CYB5A: variants seen among roughly 807,000 people sequenced by gnomAD.
The protein encoded by CYB5A is cytochrome b5.
Under a neutral mutation model 16.2 loss-of-function variants are expected in CYB5A, and 10 were observed. The observed-to-expected ratio is 0.62, with a 90% CI of 0.38 to 1.04. The LOEUF (loss-of-function observed/expected upper bound fraction) is 1.04, where lower values mean the gene tolerates loss of function less well. CYB5A is among the 50% of genes least tolerant of loss of function. The pLI is 0.01. For missense variants in CYB5A, 161 were observed against 165.9 expected (o/e 0.97, Z 0.16); for synonymous variants, 62 against 57.0 (o/e 1.09, Z -0.40).
intron 1 of CYB5A, among the ~76,000 whole-genome samples, chr18:74,275,886 C>T (rs937835781): frequency 1.3e-5 from 2 of 152,094 alleles, no homozygotes; most frequent in African/African-American, 2.4e-5. Context: ...CTGGAGGAGC[C>T]GTCGCCACAC....
intron 1 of CYB5A, among the ~76,000 whole-genome samples, chr18:74,283,445 G>C (rs751777048): frequency 6.6e-6 from 1 of 152,092 alleles, no homozygotes; most frequent in African/African-American, 2.4e-5. Context: ...ACTCCACCCC[G>C]ACTCCCTCTA....
chr18:74,261,848 T>C (rs550602207), intron 2 of CYB5A, among the ~76,000 whole-genome samples: 1 of 152,294 alleles, frequency 6.6e-6, no homozygotes, highest in African/African-American at 2.4e-5. Context: ...ATGAGGCTAT[T>C]TGCCTCTCCA....
At chr18:74,283,098 G>C (rs923651122) in intron 1 of CYB5A, among the ~76,000 whole-genome samples, 2 of 152,142 alleles carry the variant, frequency 1.3e-5, no homozygotes, top group Admixed American at 6.5e-5. Flanking sequence ...GGCCACACCA[G>C]GGCATCTGCT....
At chr18:74,259,556 C>T (rs1383779228) in intron 3 of CYB5A, 2 of 152,148 alleles carry the variant, frequency 1.3e-5, no homozygotes, top group Non-Finnish European at 2.9e-5. Flanking sequence ...CAATCTTACA[C>T]CTACAAGTGT....
intron 1 of CYB5A, chr18:74,290,754 G>A (rs1387835570): frequency 6.6e-6 from 1 of 152,202 alleles, no homozygotes; most frequent in Non-Finnish European, 1.5e-5. Flanking sequence ...TCCCCCAAAA[G>A]TAGTAAAACA....
chr18:74,272,878 C>T (rs7227617), intron 1 of CYB5A, among the ~76,000 whole-genome samples: 19,707 of 152,040 alleles, frequency 0.13, 1,459 homozygotes, highest in Admixed American at 0.2. Context: ...GCTGAGATCA[C>T]GCCACTGCAC....
intron 3 of CYB5A, chr18:74,256,642 G>C: frequency 1.7e-6 from 1 of 594,912 alleles, no homozygotes; most frequent in Non-Finnish European, 3.0e-6. Context: ...GCCTCAAACA[G>C]AAGTTGCCAT....
chr18:74,262,210 C>T (rs951819250), intron 2 of CYB5A, among the ~76,000 whole-genome samples: 2 of 152,150 alleles, frequency 1.3e-5, no homozygotes, highest in Non-Finnish European at 2.9e-5. Context: ...TCCTAGCACT[C>T]TGGGAGGCCT....
Position 74,253,648 on chromosome 18 carries a change from A to C in CYB5A, c.341T>G (p.Val114Gly). 1.2e-6 allele frequency: 2 copies of C among 1,613,102 alleles called. No individual in the cohort carries two copies. Among genetic ancestry groups the C allele is most frequent in the Non-Finnish European group, 8.5e-7 (1 of 1,179,268 alleles). Reference sequence around the variant, plus strand: ...GGCCACTGCAGAGATGGCAGGGATCACCCAGTTGGTCCACCAACTAGAAAG... The same window carrying C: ...GGCCACTGCAGAGATGGCAGGGATCCCCCAGTTGGTCCACCAACTAGAAAG... ...DSSSSWWTNW[V>G]IPAISAVAVA... Residue 114 changes from valine (V) to glycine (G), a missense_variant, in exon 5 of 5, where the codon GTG becomes GGG. Val to Gly is a moderately radical substitution (Grantham distance 109). Coordinates refer to ENST00000340533, the MANE Select transcript of CYB5A (RefSeq NM_148923.4).
intron 3 of CYB5A, chr18:74,257,595 T>C (rs373042183): frequency 1.3e-5 from 2 of 152,258 alleles, no homozygotes; most frequent in East Asian, 3.8e-4. Flanking sequence ...GAGGTTCAAC[T>C]TCAGTAAAAA....
At chr18:74,279,693 T>G (rs1018226754) in intron 1 of CYB5A, among the ~76,000 whole-genome samples, 1 of 152,170 alleles carries the variant, frequency 6.6e-6, no homozygotes, top group South Asian at 2.1e-4. Flanking sequence ...AGGCCTCTCT[T>G]TCATGTTTAA....
At chr18:74,281,436 C>T (rs923631378) in intron 1 of CYB5A, among the ~76,000 whole-genome samples, 14 of 151,958 alleles carry the variant, frequency 9.2e-5, no homozygotes, top group African/African-American at 2.9e-4. Flanking sequence ...ATAAGGAGGT[C>T]GGACAGAAGA....
At chr18:74,267,130 T>C (rs141017050) in intron 1 of CYB5A, among the ~76,000 whole-genome samples, 5 of 152,198 alleles carry the variant, frequency 3.3e-5, no homozygotes, top group African/African-American at 1.2e-4. Flanking sequence ...TGTTAGTAAA[T>C]ACATGCAGCA....
intron 2 of CYB5A, among the ~76,000 whole-genome samples, chr18:74,261,980 G>A (rs780679056): frequency 6.6e-6 from 1 of 152,172 alleles, no homozygotes; most frequent in Non-Finnish European, 1.5e-5. Context: ...AGGTGGACAG[G>A]GCAGCTGAGT....
chr18:74,251,223 C>G lies in CYB5A; in HGVS notation c.*2361G>C, dbSNP rs1284776434. On this transcript the variant is annotated 3_prime_UTR_variant, in exon 5 of 5. Coordinates refer to ENST00000340533, the MANE Select transcript of CYB5A (RefSeq NM_148923.4). ...TTACTTTGCCAAGGTTGAGGACATGCCCGTGACAAAGCATCAGGAGGTCCT... is the reference window on the plus strand; with the variant it reads ...TTACTTTGCCAAGGTTGAGGACATGGCCGTGACAAAGCATCAGGAGGTCCT... The G allele has an allele frequency of 1.3e-5, 2 of 151,648 alleles. No individual in the cohort carries two copies. The highest frequency in any genetic ancestry group is 2.9e-5 in the Non-Finnish European group (2 of 68,016). 9.4% of individuals were successfully genotyped at this position (151,648 alleles called of 1,614,324 possible). A position where few individuals can be genotyped will look rare whatever the true frequency, so the allele number is the denominator to read the frequency against.
Position 74,253,465 on chromosome 18 carries a change from A to T in CYB5A, c.*119T>A. On this transcript the variant is annotated 3_prime_UTR_variant, in exon 5 of 5. Coordinates refer to ENST00000340533, the MANE Select transcript of CYB5A (RefSeq NM_148923.4). ...TTCTAATGTCGGAAGAAAAAGAAAGAGATATATTAAAATCATTGTTTTCAA... is the reference window on the plus strand; with the variant it reads ...TTCTAATGTCGGAAGAAAAAGAAAGTGATATATTAAAATCATTGTTTTCAA... 1.5e-6 allele frequency: 1 copy of T among 674,940 alleles called. No homozygotes were observed. Among genetic ancestry groups the T allele is most frequent in the Non-Finnish European group, 2.7e-6 (1 of 369,212 alleles). The allele number at this position is 674,940 out of a possible 1,614,324, so 41.8% of individuals were successfully genotyped here. A position where few individuals can be genotyped will look rare whatever the true frequency, so the allele number is the denominator to read the frequency against.
In CYB5A at chr18:74,253,368, A is replaced by G. The variant is rs920195463; in HGVS notation, c.*216T>C. ...TAAATTACACATTAAGGAAACATCAAAATAAAGTAGATGAATAAAAAGGCA... is the reference window on the plus strand; with the variant it reads ...TAAATTACACATTAAGGAAACATCAGAATAAAGTAGATGAATAAAAAGGCA... On this transcript the variant is annotated 3_prime_UTR_variant, in exon 5 of 5. Transcript: ENST00000340533. The G allele has an allele frequency of 1.7e-5, 8 of 472,112 alleles. No individual in the cohort carries two copies. The highest frequency in any genetic ancestry group is 2.3e-5 in the Non-Finnish European group (6 of 256,942). The allele number at this position is 472,112 out of a possible 1,614,324, so 29.2% of individuals were successfully genotyped here.
At chr18:74,264,469 A>G (rs1790894) in intron 1 of CYB5A, among the ~76,000 whole-genome samples, 143,220 of 152,022 alleles carry the variant, frequency 0.94, 67,922 homozygotes, top group East Asian at 1. Flanking sequence ...TGGCATGCCT[A>G]AGATGACGAT....
chr18:74,281,288 C>T (rs1983092561), intron 1 of CYB5A, among the ~76,000 whole-genome samples: 1 of 152,178 alleles, frequency 6.6e-6, no homozygotes, highest in African/African-American at 2.4e-5. Context: ...GATGTAGCCT[C>T]AGGGATACAA....
Sources: allele counts gnomAD v4.1 joint callset (sites outside exome capture counted in the v4.1 genomes callset), GRCh38; gene constraint gnomAD v4.1.1; transcripts MANE v1.5; gene names NCBI Gene and HGNC (gene_info 2026-07-23, HGNC 2026-07-21).